CEP68: variants seen among roughly 807,000 people sequenced by gnomAD.
The protein encoded by CEP68 is centrosomal protein 68.
Under a neutral mutation model 55.3 loss-of-function variants are expected in CEP68, and 26 were observed. The observed-to-expected ratio is 0.47, with a 90% CI of 0.34 to 0.65. CEP68 has a LOEUF of 0.65. CEP68 is among the 30% of genes least tolerant of loss of function. The pLI, the probability that CEP68 is intolerant of heterozygous loss-of-function variation, is 0.01. For missense variants in CEP68, 957 were observed against 946.7 expected, an observed-to-expected ratio of 1.01 and a Z score of -0.14; for synonymous variants, 402 against 383.2, an observed-to-expected ratio of 1.05 and a Z score of -0.57.
chr2:65,080,151 C>T (rs2103798733), intron 5 of CEP68: 2 of 814,464 alleles, frequency 2.5e-6, no homozygotes, highest in African/African-American at 3.7e-5. Context: ...AAAAAGGCCT[C>T]TTAAAAGCTT....
At chr2:65,082,054 A>C (rs553694832) in intron 5 of CEP68, among the ~76,000 whole-genome samples, 6 of 152,194 alleles carry the variant, frequency 3.9e-5, no homozygotes, top group Non-Finnish European at 7.3e-5. Context: ...AAGGGTCTCA[A>C]GCACTCCCAA....
Position 65,071,758 on chromosome 2 carries a change from T to C in CEP68, c.662T>C (p.Leu221Pro). Residue 221 changes from leucine to proline, a missense_variant, in exon 3 of 7, where the codon CTG (leucine) becomes CCG (proline). Leu to Pro is a moderately conservative substitution (Grantham distance 98). Transcript: ENST00000377990. ...QERAEPRGGS[L>P]AKVSSSLEPV... ...AGGGCGGAGCCTCGTGGTGGTTCTC[T>C]GGCCAAGGTCTCCTCCTCCCTGGAG... 1 of 1,613,546 alleles carries C rather than the reference T, an allele frequency of 6.2e-7. No homozygotes were observed. The highest frequency in any genetic ancestry group is 1.7e-4 in the Middle Eastern group (1 of 6,060).
intron 1 of CEP68, among the ~76,000 whole-genome samples, chr2:65,060,283 G>A (rs960940056): frequency 6.6e-6 from 1 of 152,172 alleles, no homozygotes; most frequent in South Asian, 2.1e-4. Flanking sequence ...TCTGCTGAAT[G>A]GAGACAGCTG....
chr2:65,061,185 GA>G (rs913401276), intron 1 of CEP68, among the ~76,000 whole-genome samples: 1 of 151,508 alleles, frequency 6.6e-6, no homozygotes, highest in Non-Finnish European at 1.5e-5. Context: ...TTAAAAAAAA[GA>G]AAAAAAAGGG....
intron 5 of CEP68, chr2:65,080,276 A>G (rs910280506): frequency 1.2e-5 from 12 of 985,166 alleles, no homozygotes; most frequent in East Asian, 1.1e-4. Flanking sequence ...TGGTTTTCAG[A>G]TATGTATCCA....
intron 3 of CEP68, chr2:65,073,288 G>A (rs1391815856): frequency 7.1e-6 from 3 of 420,892 alleles, no homozygotes; most frequent in Non-Finnish European, 1.3e-5. Flanking sequence ...ACTACCCTTG[G>A]CTGCTTCCTA....
intron 1 of CEP68, 119 bp from the exon 2 acceptor site, chr2:65,069,280 C>T (rs1676343046): frequency 5.1e-6 from 3 of 588,954 alleles, no homozygotes; most frequent in Non-Finnish European, 8.9e-6. Context: ...GAAGTAGTCA[C>T]CATTTGTTTC....
chr2:65,072,989 A>G lies in CEP68; in HGVS notation c.1884+9A>G. 2 of 1,614,044 alleles carry G rather than the reference A, an allele frequency of 1.2e-6. No homozygotes were observed. The highest frequency in any genetic ancestry group is 4.5e-5 in the East Asian group (2 of 44,894). ...TGGTGCAATGTGTGAAGGTAATGAC[A>G]CTCAACGTTAGGAAGCTTTGTGTAC... On this transcript the variant is annotated intron_variant, in intron 3 of 6. Transcript: ENST00000377990.
intron 1 of CEP68, among the ~76,000 whole-genome samples, chr2:65,064,963 C>T (rs910683128): frequency 6.6e-6 from 1 of 152,162 alleles, no homozygotes; most frequent in African/African-American, 2.4e-5. Flanking sequence ...TCTCTTTGTC[C>T]CTCCACCAGT....
Position 65,072,219 on chromosome 2 carries a change from C to T in CEP68, c.1123C>T (p.Leu375Phe). Residue 375 changes from leucine (L) to phenylalanine (F), a missense_variant, in exon 3 of 7, where the codon CTT (leucine) becomes TTT (phenylalanine). Coordinates refer to ENST00000377990, the MANE Select transcript of CEP68 (RefSeq NM_015147.3). ...ATTTTCTGGGCCCAGAGAGCCAAGCCTTAAGCAGTGGCCCTCCAGAGTACC... is the reference window on the plus strand; with the variant it reads ...ATTTTCTGGGCCCAGAGAGCCAAGCTTTAAGCAGTGGCCCTCCAGAGTACC... The part of the protein sequence containing the change: ...LPFSGPREPS[L>F]KQWPSRVPQK... The T allele has an allele frequency of 6.2e-7, 1 of 1,614,144 alleles. No homozygotes were observed. Among genetic ancestry groups the T allele is most frequent in the Non-Finnish European group, 8.5e-7 (1 of 1,180,036 alleles).
intron 4 of CEP68, 166 bp downstream of exon 4, chr2:65,074,570 G>A: frequency 1.0e-6 from 1 of 962,522 alleles, no homozygotes; most frequent in Non-Finnish European, 1.6e-6. Flanking sequence ...GGAACGCTTT[G>A]TAAAATGCAT....
chr2:65,073,052 A>C (rs144969366), intron 3 of CEP68, 72 bp downstream of exon 3: 125 of 1,523,806 alleles, frequency 8.2e-5, no homozygotes, highest in Middle Eastern at 5.1e-4. Flanking sequence ...CTAACATCAT[A>C]ATAAAACATG....
At chr2:65,077,490 A>G (rs772354072) in intron 4 of CEP68, among the ~76,000 whole-genome samples, 7 of 152,158 alleles carry the variant, frequency 4.6e-5, no homozygotes, top group Non-Finnish European at 1.0e-4. Context: ...GGTCAGTTTA[A>G]TGGCAGATCT....
At chr2:65,080,451 C>G in intron 5 of CEP68, 1 of 985,422 alleles carries the variant, frequency 1.0e-6, no homozygotes, top group Non-Finnish European at 1.2e-6. Context: ...AGCCAGCCTA[C>G]AAACATGTTT....
chr2:65,070,931 G>A (rs1050815387), intron 2 of CEP68: 1 of 159,276 alleles, frequency 6.3e-6, no homozygotes, highest in Non-Finnish European at 1.4e-5. Flanking sequence ...GTGCTGTCCT[G>A]CTTCCCTCGG....
At chr2:65,080,407 C>T (rs763255699) in intron 5 of CEP68, 54 of 985,266 alleles carry the variant, frequency 5.5e-5, no homozygotes, top group Non-Finnish European at 5.9e-5. Flanking sequence ...CTTAACTTTT[C>T]TTCCGCCAGG....
chr2:65,059,247 T>C (rs1675797571), intron 1 of CEP68, among the ~76,000 whole-genome samples: 1 of 152,214 alleles, frequency 6.6e-6, no homozygotes, highest in African/African-American at 2.4e-5. Flanking sequence ...CAGATACAAC[T>C]CCTGGGGGAC....
chr2:65,074,692 C>T (rs1676675622), intron 4 of CEP68: 1 of 388,424 alleles, frequency 2.6e-6, no homozygotes. Flanking sequence ...TTTATCCCAG[C>T]TACTCTGGAA....
rs775352528 is a variant in CEP68 at position 65,072,826 on chromosome 2, G to A, written c.1730G>A (p.Ser577Asn). The A allele has an allele frequency of 9.9e-6, 16 of 1,614,076 alleles. No individual in the cohort carries two copies. The African/African-American group carries it at 1.6e-4, about 16-fold the overall frequency. Residue 577 changes from serine (S) to asparagine (N), a missense_variant, in exon 3 of 7, where the codon AGC (serine) becomes AAC (asparagine). Physicochemically the swap from Ser to Asn is conservative, Grantham distance 46 (BLOSUM62 1). Transcript: ENST00000377990. Reference sequence around the variant, plus strand: ...GCAGGGGAAGGCAGTCTGGGGAGCAGCCAGGCCCTCGGGGTCTCCTCTGGA... The same window carrying A: ...GCAGGGGAAGGCAGTCTGGGGAGCAACCAGGCCCTCGGGGTCTCCTCTGGA... ...DSAGEGSLGSSQALGVSSGLL... is the reference protein window; with the variant it reads ...DSAGEGSLGSNQALGVSSGLL...
Sources: allele counts gnomAD v4.1 joint callset (sites outside exome capture counted in the v4.1 genomes callset), GRCh38; gene constraint gnomAD v4.1.1; transcripts MANE v1.5; gene names NCBI Gene and HGNC (gene_info 2026-07-23, HGNC 2026-07-21).